Variants in DPT observed in about 807,000 individuals in gnomAD.
DPT encodes the protein tyrosine-rich acidic matrix protein.
Under a neutral mutation model 31.2 loss-of-function variants are expected in DPT, and 21 were observed. The ratio of observed to expected loss-of-function variants is 0.67; its 90% CI spans 0.48 to 0.97. The LOEUF (loss-of-function observed/expected upper bound fraction) is 0.97, where lower values mean the gene tolerates loss of function less well. Among genes scored for constraint, DPT ranks in the 50% least tolerant of loss-of-function variants. The pLI is 0.00. For missense variants in DPT, 262 were observed against 258.8 expected (o/e 1.01, Z -0.08); for synonymous variants, 91 against 86.9 (o/e 1.05, Z -0.26).
intron 2 of DPT, among the ~76,000 whole-genome samples, chr1:168,707,848 C>T (rs1037224100): frequency 8.5e-5 from 13 of 152,146 alleles, no homozygotes; most frequent in Non-Finnish European, 1.6e-4. Context: ...TGAGGCCTCC[C>T]CAGCCCTGTG....
At chr1:168,701,553 C>T (rs557982430) in intron 2 of DPT, among the ~76,000 whole-genome samples, 26 of 152,252 alleles carry the variant, frequency 1.7e-4, no homozygotes, top group African/African-American at 6.3e-4. Context: ...TAAAAGCATG[C>T]ATCACATGCA....
intron 2 of DPT, among the ~76,000 whole-genome samples, chr1:168,701,369 T>C (rs1050645698): frequency 6.6e-6 from 1 of 152,202 alleles, no homozygotes; most frequent in African/African-American, 2.4e-5. Context: ...CTCCCCAGGC[T>C]TTGGAATTAT....
At chr1:168,714,546 T>G (rs754444267) in intron 1 of DPT, among the ~76,000 whole-genome samples, 200 bp from the exon 2 acceptor site, 1 of 152,230 alleles carries the variant, frequency 6.6e-6, no homozygotes, top group Non-Finnish European at 1.5e-5. Context: ...ACTCAGAATT[T>G]TCTAACTGAA....
In DPT at chr1:168,727,483, C is replaced by T. The variant is rs149521804; in HGVS notation, c.305+1387G>A. The stretch of plus-strand genomic sequence containing the variant: ...TTCTTCCTCTTGGATTTCCCATCAT[C>T]ACCTCTCTACTGGTTGTGTCCCCCA... On this transcript the variant is annotated intron_variant, in intron 1 of 3. Coordinates refer to ENST00000367817, the MANE Select transcript of DPT (RefSeq NM_001937.5). 7.9e-5 allele frequency among the ~76,000 whole-genome samples: 12 copies of T among 152,162 alleles called. No individual in the cohort carries two copies. The East Asian group carries it at 2.3e-3, about 29-fold the overall frequency.
intron 2 of DPT, among the ~76,000 whole-genome samples, chr1:168,705,560 G>A (rs1027900291): frequency 6.6e-6 from 1 of 152,148 alleles, no homozygotes; most frequent in South Asian, 2.1e-4. Flanking sequence ...TAAAAAATAA[G>A]AATAAAATTA....
chr1:168,712,461 CTGAG>C (rs1218083455), intron 2 of DPT, among the ~76,000 whole-genome samples: 14 of 152,196 alleles, frequency 9.2e-5, no homozygotes, highest in African/African-American at 2.4e-4. Context: ...AATTCACTGA[CTGAG>C]TATTAGGTTT....
intron 3 of DPT, among the ~76,000 whole-genome samples, chr1:168,698,853 C>T (rs1410545979): frequency 6.6e-6 from 1 of 152,102 alleles, no homozygotes; most frequent in Non-Finnish European, 1.5e-5. Context: ...GTTCTCCAAG[C>T]TGGGGACCTC....
intron 2 of DPT, among the ~76,000 whole-genome samples, chr1:168,711,019 C>CT (rs968317059): frequency 8.4e-5 from 12 of 143,494 alleles, no homozygotes; most frequent in African/African-American, 2.1e-4. Context: ...TCTTCTTCTT[C>CT]TTTTTTTTTG....
At chr1:168,727,264 G>A (rs529669887) in intron 1 of DPT, among the ~76,000 whole-genome samples, 24 of 152,298 alleles carry the variant, frequency 1.6e-4, no homozygotes, top group Admixed American at 6.5e-4. Flanking sequence ...CTTTCTAGCC[G>A]AGGAAATACT....
chr1:168,702,063 G>T (rs543454881), intron 2 of DPT, among the ~76,000 whole-genome samples: 1 of 152,246 alleles, frequency 6.6e-6, no homozygotes, highest in East Asian at 1.9e-4. Context: ...GAATCCCCCA[G>T]TTCTCATAAG....
chr1:168,713,305 A>G (rs73032011), intron 2 of DPT, among the ~76,000 whole-genome samples: 2,113 of 152,300 alleles, frequency 0.014, 54 homozygotes, highest in African/African-American at 0.049. Context: ...CCTTACTTTA[A>G]AAAGAAAAAC....
intron 2 of DPT, among the ~76,000 whole-genome samples, chr1:168,702,173 C>T (rs1166438274): frequency 6.6e-6 from 1 of 152,196 alleles, no homozygotes; most frequent in Admixed American, 6.5e-5. Context: ...TGGAAAACAA[C>T]TAGTTTGTGA....
intron 1 of DPT, among the ~76,000 whole-genome samples, chr1:168,725,552 C>T (rs1311306677): frequency 6.6e-6 from 1 of 152,128 alleles, no homozygotes; most frequent in Non-Finnish European, 1.5e-5. Flanking sequence ...AGCAGATTCC[C>T]TGAGAACAAC....
At chr1:168,725,253 C>CCTTTCCTTTCCTTT (rs61039105) in intron 1 of DPT, among the ~76,000 whole-genome samples, 3 of 50,402 alleles carry the variant, frequency 6.0e-5, no homozygotes, top group Admixed American at 2.3e-4. Context: ...CCTTTCCTTT[C>CCTTTCCTTTCCTTT]TCTTTCCCTT....
intron 2 of DPT, among the ~76,000 whole-genome samples, chr1:168,712,692 C>A (rs1649894796): frequency 6.6e-6 from 1 of 152,142 alleles, no homozygotes; most frequent in Non-Finnish European, 1.5e-5. Flanking sequence ...GCATCTGGAT[C>A]ATCTTTTCCA....
intron 1 of DPT, among the ~76,000 whole-genome samples, chr1:168,721,633 C>G (rs1435465539): frequency 2.0e-5 from 3 of 152,172 alleles, no homozygotes; most frequent in Non-Finnish European, 4.4e-5. Context: ...CTTCAAAGAT[C>G]CTTCCTTTCT....
At chr1:168,718,830 T>G (rs750072252) in intron 1 of DPT, among the ~76,000 whole-genome samples, 6 of 152,214 alleles carry the variant, frequency 3.9e-5, no homozygotes, top group Non-Finnish European at 5.9e-5. Flanking sequence ...ATTATACTTA[T>G]GTTTAGTCTA....
chr1:168,718,168 G>C (rs1454482025), intron 1 of DPT, among the ~76,000 whole-genome samples: 3 of 152,206 alleles, frequency 2.0e-5, no homozygotes, highest in Non-Finnish European at 4.4e-5. Flanking sequence ...CATTGTTTTG[G>C]CTTGTCTTCT....
intron 3 of DPT, among the ~76,000 whole-genome samples, chr1:168,697,377 G>A (rs1324701463): frequency 6.6e-6 from 1 of 152,182 alleles, no homozygotes; most frequent in Non-Finnish European, 1.5e-5. Flanking sequence ...TGCTATACAT[G>A]TGTTTCCCTT....
Sources: allele counts gnomAD v4.1 joint callset (sites outside exome capture counted in the v4.1 genomes callset), GRCh38; gene constraint gnomAD v4.1.1; transcripts MANE v1.5; gene names NCBI Gene and HGNC (gene_info 2026-07-23, HGNC 2026-07-21).